PGM1: variants seen among roughly 807,000 people sequenced by gnomAD.
PGM1 encodes the protein phosphoglucomutase 1, also known as phosphoglucomutase-1.
In PGM1, 52 loss-of-function variants were observed where a neutral mutation model predicts 55.6. The observed-to-expected ratio is 0.94, with a 90% CI of 0.75 to 1.18. PGM1 has a LOEUF of 1.18. Among genes scored for constraint, PGM1 ranks in the 50% most tolerant of loss-of-function variants. The pLI is 0.00. For synonymous variants in PGM1, 287 were observed against 271.7 expected (o/e 1.06, Z -0.55); for missense variants, 724 against 729.3 (o/e 0.99, Z 0.08).
At chr1:63,623,388 T>A in intron 1 of PGM1, 1 of 1,551,938 alleles carries the variant, frequency 6.4e-7, no homozygotes, top group Non-Finnish European at 8.7e-7. Flanking sequence ...AGCTTCAGGT[T>A]GGACAGACCT....
At chr1:63,656,328 G>T (rs1193500538) in intron 10 of PGM1, among the ~76,000 whole-genome samples, 3 of 152,148 alleles carry the variant, frequency 2.0e-5, no homozygotes, top group African/African-American at 7.2e-5. Context: ...GACACTATTG[G>T]TGGGAATATA....
chr1:63,656,325 T>C (rs1338175155), intron 10 of PGM1, among the ~76,000 whole-genome samples: 1 of 152,114 alleles, frequency 6.6e-6, no homozygotes, highest in Admixed American at 6.5e-5. Context: ...TCAGACACTA[T>C]TGGTGGGAAT....
At chr1:63,651,572 C>T (rs890812817) in intron 8 of PGM1, 97 bp from the exon 9 acceptor site, 24 of 1,150,334 alleles carry the variant, frequency 2.1e-5, no homozygotes, top group Admixed American at 6.0e-5. Context: ...GATAGTTTTG[C>T]GGGAGGGCCA....
At chr1:63,645,645 T>A (rs1008037793) in intron 7 of PGM1, among the ~76,000 whole-genome samples, 10 of 152,232 alleles carry the variant, frequency 6.6e-5, no homozygotes, top group Non-Finnish European at 1.3e-4. Context: ...AAATATGTTA[T>A]ATAAAGCACT....
chr1:63,626,222 C>G (rs567583480), intron 1 of PGM1, among the ~76,000 whole-genome samples: 21 of 152,130 alleles, frequency 1.4e-4, no homozygotes, highest in Non-Finnish European at 2.6e-4. Flanking sequence ...TACATAACAT[C>G]AGATTTACCA....
intron 1 of PGM1, among the ~76,000 whole-genome samples, chr1:63,624,475 A>G (rs1273369542): frequency 6.6e-6 from 1 of 152,328 alleles, no homozygotes; most frequent in East Asian, 1.9e-4. Flanking sequence ...GGAATATTGT[A>G]CCAGAACGCA....
chr1:63,594,354 C>G (rs1304151423), intron 1 of PGM1, among the ~76,000 whole-genome samples: 2 of 152,152 alleles, frequency 1.3e-5, no homozygotes, highest in East Asian at 1.9e-4. Flanking sequence ...TGCCTTGGTT[C>G]CGAACTCCTG....
intron 1 of PGM1, among the ~76,000 whole-genome samples, chr1:63,618,718 G>A (rs1171625667): frequency 1.3e-5 from 2 of 152,142 alleles, no homozygotes; most frequent in East Asian, 3.9e-4. Flanking sequence ...CCAGCTGGGT[G>A]AGGTGTGGCT....
chr1:63,657,825 T>C (rs965675390), intron 10 of PGM1, among the ~76,000 whole-genome samples: 1 of 152,228 alleles, frequency 6.6e-6, no homozygotes, highest in African/African-American at 2.4e-5. Flanking sequence ...CTTGTTGTGT[T>C]GTAGGCATCC....
intron 7 of PGM1, among the ~76,000 whole-genome samples, chr1:63,639,908 A>G (rs1269856428): frequency 6.6e-6 from 1 of 152,218 alleles, no homozygotes; most frequent in Non-Finnish European, 1.5e-5. Context: ...TTCCTTGGCA[A>G]TGAACTGCCT....
intron 1 of PGM1, among the ~76,000 whole-genome samples, chr1:63,598,266 A>G (rs1199494186): frequency 6.6e-6 from 1 of 152,242 alleles, no homozygotes; most frequent in Non-Finnish European, 1.5e-5. Flanking sequence ...AGTGTGAGCC[A>G]TCGTGCCGGG....
At chr1:63,627,064 C>A (rs201050377) in intron 1 of PGM1, among the ~76,000 whole-genome samples, 2 of 130,782 alleles carry the variant, frequency 1.5e-5, no homozygotes, top group African/African-American at 5.8e-5. Flanking sequence ...CCCCCCCCCC[C>A]CCACACACAC....
intron 7 of PGM1, among the ~76,000 whole-genome samples, chr1:63,643,175 T>C (rs150575639): frequency 3.6e-4 from 55 of 152,290 alleles, no homozygotes; most frequent in African/African-American, 1.2e-3. Flanking sequence ...TGTCTGGGGA[T>C]AGCCTAGACA....
At chr1:63,651,493 A>T (rs1233132606) in intron 8 of PGM1, 176 bp from the exon 9 acceptor site, 2 of 614,010 alleles carry the variant, frequency 3.3e-6, no homozygotes, top group Non-Finnish European at 2.9e-6. Context: ...CCTTCCTTTC[A>T]TCCCTGGCCT....
In PGM1 at chr1:63,593,501, G is replaced by T; in HGVS notation, c.13G>T (p.Val5Leu). Residue 5 changes from valine (V) to leucine (L), a missense_variant, in exon 1 of 11, where the codon GTG (valine) becomes TTG (leucine). Val to Leu is a conservative substitution (Grantham distance 32, BLOSUM62 1). This residue lies in a region of PGM1 where 379 missense variants were observed against 357.5 expected (regional missense o/e 1.06). Transcript: ENST00000371084. Reference sequence around the variant, plus strand: ...GCAAGTCGCCACCATGGTGAAGATCGTGACAGTTAAGACCCAGGCGTACCA... The same window carrying T: ...GCAAGTCGCCACCATGGTGAAGATCTTGACAGTTAAGACCCAGGCGTACCA... MVKI[V>L]TVKTQAYQDQ... The T allele has an allele frequency of 2.5e-6, 4 of 1,613,744 alleles. No homozygotes were observed. Among genetic ancestry groups the T allele is most frequent in the Non-Finnish European group, 3.4e-6 (4 of 1,179,896 alleles).
intron 1 of PGM1, among the ~76,000 whole-genome samples, chr1:63,598,603 G>T (rs1440359152): frequency 6.6e-6 from 1 of 152,104 alleles, no homozygotes; most frequent in African/African-American, 2.4e-5. Context: ...ACTGTGGTTT[G>T]CTTCCTACAT....
At chr1:63,603,500 A>G (rs1020904816) in intron 1 of PGM1, among the ~76,000 whole-genome samples, 6 of 152,264 alleles carry the variant, frequency 3.9e-5, no homozygotes, top group African/African-American at 1.4e-4. Flanking sequence ...CTCGAGGCAC[A>G]TTGGTTTTTA....
At chr1:63,641,184 AATACCT>A (rs1230359505) in intron 7 of PGM1, among the ~76,000 whole-genome samples, 1 of 152,200 alleles carries the variant, frequency 6.6e-6, no homozygotes, top group African/African-American at 2.4e-5. Context: ...ACATTCAACA[AATACCT>A]AGTACCAATC....
At chr1:63,593,878 C>T in intron 1 of PGM1, 144 bp downstream of exon 1, 1 of 1,285,654 alleles carries the variant, frequency 7.8e-7, no homozygotes, top group Non-Finnish European at 9.8e-7. Context: ...CTCCTTCGCG[C>T]TCGCTCTTCT....
Sources: gnomAD v4.1 joint callset for allele counts (sites outside exome capture counted in the v4.1 genomes callset) on GRCh38, gnomAD v4.1.1 for gene constraint, gnomAD v4.1.1 regional missense constraint, MANE v1.5 for transcripts, NCBI Gene and HGNC (gene_info 2026-07-23, HGNC 2026-07-21) for gene names.